PIAS1: variants seen among roughly 807,000 people sequenced by gnomAD.
PIAS1 encodes the protein protein inhibitor of activated STAT 1.
PIAS1 carries 6 observed loss-of-function variants against 71.3 expected under a neutral mutation model. The ratio of observed to expected loss-of-function variants is 0.08; its 90% CI spans 0.05 to 0.17. The LOEUF (loss-of-function observed/expected upper bound fraction) is 0.17, where lower values mean the gene tolerates loss of function less well. PIAS1 is among the 10% of genes least tolerant of loss of function. PIAS1 has a pLI of 1.00. For missense variants in PIAS1, 555 were observed against 793.6 expected, an observed-to-expected ratio of 0.70 and a Z score of 3.61; for synonymous variants, 303 against 292.9, an observed-to-expected ratio of 1.03 and a Z score of -0.35.
chr15:68,122,165 A>T (rs150180505), intron 2 of PIAS1, among the ~76,000 whole-genome samples: 2 of 152,236 alleles, frequency 1.3e-5, no homozygotes, highest in Non-Finnish European at 2.9e-5. Flanking sequence ...GGCAAAGGAT[A>T]ATCTCAGAGT....
intron 1 of PIAS1, among the ~76,000 whole-genome samples, chr15:68,065,130 G>GT (rs1193272714): frequency 1.3e-5 from 2 of 151,948 alleles, no homozygotes; most frequent in East Asian, 1.9e-4. Context: ...TCGACATAAA[G>GT]TTTTTTTGCG....
intron 13 of PIAS1, 90 bp downstream of exon 13, chr15:68,183,757 A>G (rs900130413): frequency 1.2e-5 from 7 of 596,498 alleles, no homozygotes; most frequent in East Asian, 3.0e-5. Context: ...ATGACAGGCC[A>G]TATATGCATT....
intron 2 of PIAS1, among the ~76,000 whole-genome samples, chr15:68,105,793 A>C (rs893118062): frequency 3.3e-5 from 5 of 152,158 alleles, no homozygotes; most frequent in Admixed American, 2.0e-4. Flanking sequence ...CAACATAGCA[A>C]AACGCCATCT....
chr15:68,157,522 A>G (rs1462053500), intron 7 of PIAS1, among the ~76,000 whole-genome samples: 4 of 152,098 alleles, frequency 2.6e-5, no homozygotes, highest in Admixed American at 2.0e-4. Flanking sequence ...AGATGTCACA[A>G]ATGATGATCT....
In PIAS1 at chr15:68,173,941, C is replaced by T; in HGVS notation, c.1169+49C>T. 1 of 1,241,140 alleles carries T rather than the reference C, an allele frequency of 8.1e-7. No homozygotes were observed. Among genetic ancestry groups the T allele is most frequent in the Non-Finnish European group, 1.1e-6 (1 of 940,290 alleles). 76.9% of individuals were successfully genotyped at this position (1,241,140 alleles called of 1,614,324 possible). ...GTACCTTGAAATGACCATATATTAT[C>T]TGGGTTTGTTACACATCAGATTTGG... On this transcript the variant is annotated intron_variant, in intron 9 of 13. Transcript: ENST00000249636. This position sits in a 1 kb window ranked among gnomAD's most constrained non-coding sequence, Gnocchi z 4.3.
chr15:68,088,326 C>T (rs909313665), intron 2 of PIAS1, among the ~76,000 whole-genome samples: 9 of 151,522 alleles, frequency 5.9e-5, no homozygotes, highest in African/African-American at 2.2e-4. Flanking sequence ...TGACCAGGGG[C>T]TTGCAGGAAC....
At chr15:68,127,545 A>G (rs553776211) in intron 2 of PIAS1, among the ~76,000 whole-genome samples, 3 of 145,202 alleles carry the variant, frequency 2.1e-5, no homozygotes, top group African/African-American at 7.5e-5. Context: ...CCACTCATAT[A>G]TTTGCTTTCC....
chr15:68,147,437 A>G (rs897182028), intron 6 of PIAS1, among the ~76,000 whole-genome samples: 3 of 152,132 alleles, frequency 2.0e-5, no homozygotes, highest in African/African-American at 4.8e-5. Flanking sequence ...ATTGATTATG[A>G]GATCTTCATA....
At position 68,146,688 on chromosome 15, in the gene PIAS1, A is replaced by C; in HGVS notation, c.816A>C (p.Ala272=). The C allele has an allele frequency of 6.2e-7, 1 of 1,607,046 alleles. No homozygotes were observed. Among genetic ancestry groups the C allele is most frequent in the South Asian group, 1.1e-5 (1 of 89,770 alleles). Residue 272 remains alanine (A), a synonymous_variant, in exon 6 of 14, where the codon GCA becomes GCC. Coordinates refer to ENST00000249636, the MANE Select transcript of PIAS1 (RefSeq NM_016166.3). ...ACACGATTGTTGTTTCTTGGACTGCAGAAATTGGAAGAGTAAGTAAATTTT... is the reference window on the plus strand; with the variant it reads ...ACACGATTGTTGTTTCTTGGACTGCCGAAATTGGAAGAGTAAGTAAATTTT... The part of the protein sequence containing the change: ...VPNTIVVSWT[A]EIGRNYSMAV...
chr15:68,137,830 C>T (rs1025389814), intron 2 of PIAS1, among the ~76,000 whole-genome samples: 1 of 152,092 alleles, frequency 6.6e-6, no homozygotes, highest in East Asian at 1.9e-4. Context: ...TTAGAAGCAA[C>T]CTTAGATCTC....
intron 4 of PIAS1, among the ~76,000 whole-genome samples, chr15:68,144,032 G>A (rs2092790551): frequency 6.6e-6 from 1 of 151,400 alleles, no homozygotes; most frequent in Non-Finnish European, 1.5e-5. Flanking sequence ...TTGAAGTAAG[G>A]TTGTCTAGAT....
At chr15:68,152,492 A>G (rs2092854783) in intron 6 of PIAS1, among the ~76,000 whole-genome samples, 1 of 152,086 alleles carries the variant, frequency 6.6e-6, no homozygotes, top group Admixed American at 6.5e-5. Context: ...TTTGGTTTCT[A>G]GTGTCTGCTC....
intron 6 of PIAS1, among the ~76,000 whole-genome samples, chr15:68,147,086 T>C (rs934123211): frequency 1.3e-5 from 2 of 152,222 alleles, no homozygotes; most frequent in Admixed American, 1.3e-4. Context: ...TCTTAGTAGC[T>C]ATAACTTTGC....
chr15:68,170,801 T>A (rs1050162448), intron 8 of PIAS1, among the ~76,000 whole-genome samples: 4 of 151,956 alleles, frequency 2.6e-5, no homozygotes, highest in African/African-American at 7.3e-5. Context: ...CCACCATGCC[T>A]GGCTAATTTT....
At chr15:68,140,782 C>T (rs1260398106) in intron 2 of PIAS1, among the ~76,000 whole-genome samples, 2 of 152,150 alleles carry the variant, frequency 1.3e-5, no homozygotes, top group Non-Finnish European at 2.9e-5. Context: ...CAGCCAACTT[C>T]AGCTGCTTAT....
intron 2 of PIAS1, among the ~76,000 whole-genome samples, chr15:68,097,099 T>TCAAGTG (rs1421578292): frequency 6.6e-6 from 1 of 152,190 alleles, no homozygotes; most frequent in Non-Finnish European, 1.5e-5. Context: ...AGTTGAGTGT[T>TCAAGTG]TTTTATCATG....
intron 7 of PIAS1, among the ~76,000 whole-genome samples, chr15:68,159,567 A>G (rs921957433): frequency 6.6e-6 from 1 of 152,176 alleles, no homozygotes; most frequent in Non-Finnish European, 1.5e-5. Flanking sequence ...CAATCCTACA[A>G]TATGTAGCCT....
At chr15:68,183,712 A>G in intron 13 of PIAS1, 45 bp downstream of exon 13, 1 of 745,404 alleles carries the variant, frequency 1.3e-6, no homozygotes, top group Non-Finnish European at 2.3e-6. Flanking sequence ...TACATTAAAA[A>G]TACAGTCATG....
rs1404865666 is a variant in PIAS1 at position 68,171,928 on chromosome 15, T to TTA, written c.1009-1793_1009-1792dup. 5.3e-5 allele frequency among the ~76,000 whole-genome samples: 8 copies of TTA among 151,812 alleles called. No homozygotes were observed. In the East Asian group the frequency reaches 1.2e-3, roughly 22 times the overall value. On this transcript the variant is annotated intron_variant, in intron 8 of 13. Transcript: ENST00000249636. The surrounding 1 kb of genome is among the most constrained non-coding windows in gnomAD (Gnocchi z 4.4). ...TATATATTTTTTTCTTTTATATGTT[T>TTA]TATATATATATAAAATACTTTAAGT...
Sources: gnomAD v4.1 joint callset for allele counts (sites outside exome capture counted in the v4.1 genomes callset) on GRCh38, gnomAD v4.1.1 for gene constraint, Gnocchi (gnomAD v3.1) non-coding constraint, MANE v1.5 for transcripts, NCBI Gene and HGNC (gene_info 2026-07-23, HGNC 2026-07-21) for gene names.